CCSER1: variants seen among roughly 807,000 people sequenced by gnomAD.
CCSER1 encodes the protein coiled-coil serine rich protein 1, also known as serine-rich coiled-coil domain-containing protein 1.
A neutral mutation model predicts 82.0 loss-of-function variants in CCSER1; 41 were observed. The ratio of observed to expected loss-of-function variants is 0.50; its 90% confidence interval spans 0.39 to 0.65. The LOEUF (loss-of-function observed/expected upper bound fraction) is 0.65. Ranked by LOEUF, CCSER1 falls within the 30% of genes least tolerant of loss-of-function variation. The probability of loss-of-function intolerance (pLI) is 0.00; values close to 1 mark genes in which losing one functional copy is unlikely to be tolerated. For synonymous variants in CCSER1, 414 were observed against 383.9 expected (o/e 1.08, Z -0.92); for missense variants, 1,119 against 1,064.2 (o/e 1.05, Z -0.72).
At chr4:91,399,979 ATTC>A (rs1210076458) in intron 10 of CCSER1, among the ~76,000 whole-genome samples, 3 of 151,946 alleles carry the variant, frequency 2.0e-5, no homozygotes, top group Non-Finnish European at 4.4e-5. Context: ...TATCATTTCC[ATTC>A]TTCTCTCAGT....
At chr4:90,571,769 T>A (rs921912232) in intron 5 of CCSER1, among the ~76,000 whole-genome samples, 1 of 152,120 alleles carries the variant, frequency 6.6e-6, no homozygotes, top group African/African-American at 2.4e-5. Context: ...ACACAAAAAA[T>A]GCAGTTTTCT....
intron 6 of CCSER1, among the ~76,000 whole-genome samples, chr4:90,716,445 T>C (rs577359670): frequency 4.6e-5 from 7 of 152,222 alleles, no homozygotes; most frequent in African/African-American, 1.7e-4. Flanking sequence ...TTGTTAACTT[T>C]CCAGCCTAGA....
intron 1 of CCSER1, among the ~76,000 whole-genome samples, chr4:90,211,453 A>G (rs562275388): frequency 6.6e-6 from 1 of 152,322 alleles, no homozygotes; most frequent in Admixed American, 6.5e-5. Context: ...AGTGTTGCTC[A>G]CAGGTATATA....
chr4:90,478,786 G>C (rs1047050404), intron 5 of CCSER1, among the ~76,000 whole-genome samples: 2 of 148,518 alleles, frequency 1.3e-5, no homozygotes, highest in African/African-American at 5.0e-5. Flanking sequence ...TGTTGCCCAG[G>C]CTGGAGTTCA....
intron 1 of CCSER1, among the ~76,000 whole-genome samples, chr4:90,172,937 G>C (rs1377282763): frequency 6.6e-6 from 1 of 151,738 alleles, no homozygotes; most frequent in African/African-American, 2.4e-5. Flanking sequence ...TTAAGGTGAG[G>C]TAAATGTTAA....
At chr4:90,162,693 T>A (rs560750940) in intron 1 of CCSER1, among the ~76,000 whole-genome samples, 1 of 152,188 alleles carries the variant, frequency 6.6e-6, no homozygotes, top group Non-Finnish European at 1.5e-5. Context: ...GCTAAATTAA[T>A]TCAGAAGCTG....
intron 3 of CCSER1, among the ~76,000 whole-genome samples, chr4:90,342,071 G>A (rs962334163): frequency 3.3e-5 from 5 of 152,118 alleles, no homozygotes; most frequent in African/African-American, 1.2e-4. Flanking sequence ...CACTGGCAAA[G>A]TATTTAATAA....
chr4:90,898,873 T>G (rs1724169346), intron 8 of CCSER1, among the ~76,000 whole-genome samples: 1 of 147,852 alleles, frequency 6.8e-6, no homozygotes, highest in Admixed American at 6.7e-5. Flanking sequence ...TGAAGTTGGA[T>G]AATGTACTGT....
At chr4:90,435,312 C>T (rs1283743240) in intron 4 of CCSER1, among the ~76,000 whole-genome samples, 1 of 151,966 alleles carries the variant, frequency 6.6e-6, no homozygotes, top group Admixed American at 6.6e-5. Context: ...GTAAATATTT[C>T]ATATTGATAT....
In CCSER1 at chr4:91,470,490, C is replaced by T. The variant is rs574820575; in HGVS notation, c.2218-128082C>T. Among the ~76,000 whole-genome samples, 17 of 151,610 alleles carry T rather than the reference C, an allele frequency of 1.1e-4. No individual in the cohort carries two copies. In the East Asian group the frequency reaches 2.9e-3, roughly 26 times the overall value. ...GAGATCCAGTGTGTGCTGCTTTATA[C>T]GTAGCAGACTGGGGATGACACGTAT... On this transcript the variant is annotated intron_variant, in intron 10 of 10. Transcript: ENST00000509176.
intron 4 of CCSER1, among the ~76,000 whole-genome samples, chr4:90,462,260 T>G (rs1232889789): frequency 6.6e-6 from 1 of 151,314 alleles, no homozygotes; most frequent in Non-Finnish European, 1.5e-5. Context: ...GTGTATTTGT[T>G]TTTGTAACAA....
At chr4:91,438,420 G>T (rs948241951) in intron 10 of CCSER1, among the ~76,000 whole-genome samples, 2 of 152,124 alleles carry the variant, frequency 1.3e-5, no homozygotes, top group African/African-American at 4.8e-5. Flanking sequence ...GCAGCTGAGG[G>T]TCCTGTCTGT....
At chr4:91,382,889 A>G (rs1751019751) in intron 10 of CCSER1, among the ~76,000 whole-genome samples, 1 of 152,090 alleles carries the variant, frequency 6.6e-6, no homozygotes, top group East Asian at 1.9e-4. Flanking sequence ...ACAGCCACCC[A>G]AACTAGCAGC....
intron 10 of CCSER1, among the ~76,000 whole-genome samples, chr4:91,137,092 TGCTGGTGC>T (rs1019147686): frequency 2.7e-5 from 4 of 148,184 alleles, no homozygotes; most frequent in Admixed American, 6.8e-5. Flanking sequence ...ACATGGGCCA[TGCTGGTGC>T]GCTGCACCCA....
chr4:91,448,329 G>A (rs1254918649), intron 10 of CCSER1, among the ~76,000 whole-genome samples: 2 of 151,962 alleles, frequency 1.3e-5, no homozygotes, highest in African/African-American at 2.4e-5. Context: ...TTCTTTAAAT[G>A]TATGAAGCTT....
chr4:90,776,137 A>T (rs533491686), intron 7 of CCSER1, among the ~76,000 whole-genome samples: 1 of 152,278 alleles, frequency 6.6e-6, no homozygotes, highest in South Asian at 2.1e-4. Flanking sequence ...TACAACAGTA[A>T]AACAATTGTA....
At chr4:91,271,879 C>T (rs1182872181) in intron 10 of CCSER1, among the ~76,000 whole-genome samples, 2 of 152,054 alleles carry the variant, frequency 1.3e-5, no homozygotes, top group South Asian at 4.1e-4. Context: ...CTCATCCTCC[C>T]GAGTAGCCAG....
At position 90,723,970 on chromosome 4, in the gene CCSER1, TGAA is replaced by T; in HGVS notation, c.1992_1994del (p.Glu665del). On this transcript the variant is annotated inframe_deletion, in exon 7 of 11. Coordinates refer to ENST00000509176, the MANE Select transcript of CCSER1 (RefSeq NM_001145065.2). ...CGTCACTTCCTGTTAGTCCTCTTACTGAAGAGCCAGTGCCTTTCAAGGTAAAAA... is the reference window on the plus strand; with the variant it reads ...CGTCACTTCCTGTTAGTCCTCTTACTGAGCCAGTGCCTTTCAAGGTAAAAA... 2 of 1,577,584 alleles carry T rather than the reference TGAA, an allele frequency of 1.3e-6. No homozygotes were observed. Among genetic ancestry groups the T allele is most frequent in the Non-Finnish European group, 1.7e-6 (2 of 1,159,338 alleles).
intron 9 of CCSER1, among the ~76,000 whole-genome samples, chr4:90,971,888 A>C (rs1259219043): frequency 6.6e-6 from 1 of 152,004 alleles, no homozygotes; most frequent in Non-Finnish European, 1.5e-5. Flanking sequence ...CAGAATGAAG[A>C]ATAAAAACAT....
Sources: gnomAD v4.1 joint callset for allele counts (sites outside exome capture counted in the v4.1 genomes callset) on GRCh38, gnomAD v4.1.1 for gene constraint, MANE v1.5 for transcripts, NCBI Gene and HGNC (gene_info 2026-07-23, HGNC 2026-07-21) for gene names.